RNF213: variants seen among roughly 807,000 people sequenced by gnomAD.
The protein encoded by RNF213 is ring finger protein 213.
In RNF213, 341 loss-of-function variants were observed where a neutral mutation model predicts 514.4. The observed-to-expected ratio is 0.66, with a 90% CI of 0.61 to 0.73. The LOEUF is 0.73. Ranked by LOEUF, RNF213 falls within the 30% of genes least tolerant of loss-of-function variation. The pLI, the probability that RNF213 is intolerant of heterozygous loss-of-function variation, is 0.00. For synonymous variants in RNF213, 2,655 were observed against 2,658.2 expected (o/e 1.00, Z 0.04); for missense variants, 5,767 against 6,615.6 (o/e 0.87, Z 4.45).
chr17:80,317,129 G>A lies in RNF213; in HGVS notation c.2812-59G>A. The A allele has an allele frequency of 1.3e-6, 2 of 1,544,474 alleles. No homozygotes were observed. The highest frequency in any genetic ancestry group is 2.7e-5 in the African/African-American group (2 of 73,984). On this transcript the variant is annotated intron_variant, in intron 15 of 67. Coordinates refer to ENST00000582970, the MANE Select transcript of RNF213 (RefSeq NM_001256071.3). The surrounding 1 kb of genome is among the most constrained non-coding windows in gnomAD (Gnocchi z 4.1). Reference sequence around the variant, plus strand: ...AATGCTCTGTCTTTCTCCTTTCATGGGAGTGTGCCGTGGCATTTAGTCGTG... The same window carrying A: ...AATGCTCTGTCTTTCTCCTTTCATGAGAGTGTGCCGTGGCATTTAGTCGTG...
intron 37 of RNF213, 43 bp from the exon 38 acceptor site, chr17:80,360,018 C>T (rs756207567): frequency 8.1e-6 from 13 of 1,605,566 alleles, no homozygotes; most frequent in South Asian, 3.3e-5. Context: ...TTTTGAGTGA[C>T]GTCTCACAAA....
chr17:80,337,245 G>A (rs2078012724), intron 23 of RNF213, among the ~76,000 whole-genome samples: 1 of 152,336 alleles, frequency 6.6e-6, no homozygotes, highest in East Asian at 1.9e-4. Context: ...TGGGGACCTG[G>A]CAGAATGATG....
chr17:80,295,103 A>G, intron 9 of RNF213, 100 bp downstream of exon 9: 1 of 1,401,780 alleles, frequency 7.1e-7, no homozygotes. Context: ...CAGGTTGCAA[A>G]TGGGAATGTG....
rs754705618 is a variant in RNF213, at chr17:80,295,611, G to A, written c.1810G>A (p.Gly604Arg). The A allele has an allele frequency of 5.1e-5, 82 of 1,614,142 alleles. No individual in the cohort carries two copies. The highest frequency in any genetic ancestry group is 6.4e-5 in the Non-Finnish European group (75 of 1,180,012). The change falls in exon 10 of 68, where the codon GGA (glycine) becomes AGA (arginine). Residue 604 changes from glycine to arginine, a missense_variant. This residue lies in a region of RNF213 where 592 missense variants were observed against 673.9 expected (regional missense o/e 0.88). Coordinates refer to ENST00000582970, the MANE Select transcript of RNF213 (RefSeq NM_001256071.3). ...LKKHVVPLPD[G>R]KSTDFLPVDC... ...AAAACACGTGGTACCATTGCCGGAC[G>A]GAAAAAGCACGGACTTTTTGCCTGT...
At chr17:80,392,097 CTTGT>C (rs941398189) in intron 67 of RNF213, among the ~76,000 whole-genome samples, 198 of 152,090 alleles carry the variant, frequency 1.3e-3, no homozygotes, top group African/African-American at 4.4e-3. Flanking sequence ...CTTTCACATA[CTTGT>C]TTTATTCACC....
chr17:80,331,072 GC>G (rs1312179987), intron 20 of RNF213, among the ~76,000 whole-genome samples: 1 of 152,202 alleles, frequency 6.6e-6, no homozygotes, highest in Non-Finnish European at 1.5e-5. Context: ...ATCCGCCTCA[GC>G]CTCCCAAAGT....
chr17:80,379,736 T>C (rs2079909381), intron 55 of RNF213, 22 bp downstream of exon 55: 1 of 1,604,906 alleles, frequency 6.2e-7, no homozygotes, highest in African/African-American at 1.3e-5. Context: ...AGGATTCTAT[T>C]TCCTAAGTAC....
rs992899768 is a variant in RNF213 at position 80,398,745 on chromosome 17, G to T, written c.*5247G>T. The T allele has an allele frequency of 1.3e-5, 2 of 151,622 alleles. No individual in the cohort carries two copies. Among genetic ancestry groups the T allele is most frequent in the Non-Finnish European group, 2.9e-5 (2 of 67,910 alleles). The allele number at this position is 151,622 out of a possible 1,614,324, so 9.4% of individuals were successfully genotyped here. On this transcript the variant is annotated 3_prime_UTR_variant, in exon 68 of 68. Coordinates refer to ENST00000582970, the MANE Select transcript of RNF213 (RefSeq NM_001256071.3). ...AGAGAGAAAGAGACAGAGGCAAAAG[G>T]AAAGTCAAAGAGAAAGAGACAGAAA...
chr17:80,356,445 G>A (rs184744673), intron 36 of RNF213, among the ~76,000 whole-genome samples: 5 of 152,362 alleles, frequency 3.3e-5, no homozygotes, highest in Non-Finnish European at 5.9e-5. Flanking sequence ...TGAGGCCTGC[G>A]CAGCCGCTGA....
intron 11 of RNF213, among the ~76,000 whole-genome samples, chr17:80,299,781 T>A (rs2045107009): frequency 6.6e-6 from 1 of 152,152 alleles, no homozygotes; most frequent in South Asian, 2.1e-4. Flanking sequence ...GTTCTCATCA[T>A]TTAGCTCCCA....
intron 3 of RNF213, among the ~76,000 whole-genome samples, chr17:80,276,023 T>C (rs2044041121): frequency 6.6e-6 from 1 of 151,596 alleles, no homozygotes. Context: ...GAAATCTCTA[T>C]CAAACTACTA....
intron 67 of RNF213, 38 bp downstream of exon 67, chr17:80,390,234 A>G (rs760886086): frequency 2.2e-5 from 35 of 1,592,944 alleles, no homozygotes; most frequent in Non-Finnish European, 2.8e-5. Context: ...GGCAGACACA[A>G]TGTTGTGCTG....
chr17:80,364,685 A>T, intron 42 of RNF213, 132 bp downstream of exon 42: 1 of 1,075,376 alleles, frequency 9.3e-7, no homozygotes, highest in Non-Finnish European at 1.4e-6. Flanking sequence ...ATGCAAAGGA[A>T]GGTGATTTCA....
At chr17:80,350,003 A>G in intron 30 of RNF213, 97 bp downstream of exon 30, 5 of 1,329,456 alleles carry the variant, frequency 3.8e-6, no homozygotes, top group Middle Eastern at 2.5e-4. Flanking sequence ...AATGAGCGCC[A>G]CAGTCACGTG....
At chr17:80,300,025 C>T (rs181298924) in intron 11 of RNF213, among the ~76,000 whole-genome samples, 2 of 152,270 alleles carry the variant, frequency 1.3e-5, no homozygotes, top group East Asian at 3.9e-4. Flanking sequence ...AATGAACATA[C>T]ATGGGCATGT....
intron 7 of RNF213, 66 bp downstream of exon 7, chr17:80,290,794 C>T (rs1158936258): frequency 3.8e-6 from 6 of 1,566,946 alleles, no homozygotes; most frequent in South Asian, 1.2e-5. Flanking sequence ...GCCTGTGACA[C>T]GTAGTTTAAA....
At chr17:80,272,971 C>G (rs781530139) in intron 2 of RNF213, among the ~76,000 whole-genome samples, 2 of 152,118 alleles carry the variant, frequency 1.3e-5, no homozygotes, top group African/African-American at 2.4e-5. Flanking sequence ...TGAATCCACT[C>G]GTGGACATTG....
chr17:80,353,788 G>A lies in RNF213; in HGVS notation c.10578+122G>A, dbSNP rs534173063. 18 of 1,372,586 alleles carry A rather than the reference G, an allele frequency of 1.3e-5. No individual in the cohort carries two copies. The highest frequency in any genetic ancestry group is 2.3e-5 in the East Asian group (1 of 43,486). The allele number at this position is 1,372,586 out of a possible 1,614,324, so 85.0% of individuals were successfully genotyped here. A position where few individuals can be genotyped will look rare whatever the true frequency, so the allele number is the denominator to read the frequency against. ...GCCGCTGTGCAGGGGTGAGGATGGC[G>A]CCCCACTTTCCTCACACAGTGACGG... On this transcript the variant is annotated intron_variant, in intron 34 of 67. Coordinates refer to ENST00000582970, the MANE Select transcript of RNF213 (RefSeq NM_001256071.3). The surrounding 1 kb of genome is among the most constrained non-coding windows in gnomAD (Gnocchi z 5.0).
At chr17:80,321,946 G>A (rs1170509859) in intron 17 of RNF213, among the ~76,000 whole-genome samples, 2 of 151,848 alleles carry the variant, frequency 1.3e-5, no homozygotes, top group Admixed American at 1.3e-4. Flanking sequence ...TGATGGTCTC[G>A]ATCTCTTGAC....
Sources: allele counts gnomAD v4.1 joint callset (sites outside exome capture counted in the v4.1 genomes callset), GRCh38; gene constraint gnomAD v4.1.1; regional missense constraint gnomAD v4.1.1; non-coding constraint Gnocchi (gnomAD v3.1); transcripts MANE v1.5; gene names NCBI Gene and HGNC (gene_info 2026-07-23, HGNC 2026-07-21).